ZBTB20: variants seen among roughly 807,000 people sequenced by gnomAD.
ZBTB20 encodes zinc finger and BTB domain containing 20.
ZBTB20 carries 9 observed loss-of-function variants against 56.9 expected under a neutral mutation model. That is an observed-to-expected ratio of 0.16 (90% CI 0.10 to 0.28). The LOEUF (loss-of-function observed/expected upper bound fraction) is 0.28, where lower values mean the gene tolerates loss of function less well. Ranked by LOEUF, ZBTB20 falls within the 10% of genes least tolerant of loss-of-function variation. The pLI is 1.00. For synonymous variants in ZBTB20, 417 were observed against 420.7 expected (o/e 0.99, Z 0.11); for missense variants, 655 against 1,003.0 (o/e 0.65, Z 4.69).
rs3995891 is a variant in ZBTB20 at position 114,434,543 on chromosome 3, T to G, written c.-254-45438A>C. Among the ~76,000 whole-genome samples the G allele has an allele frequency of 3.1e-3, 413 of 134,954 alleles. 2 individuals are homozygous for G. Among genetic ancestry groups the G allele is most frequent in the Middle Eastern group, 0.011 (3 of 268 alleles). The allele number at this position is 134,954 out of a possible 152,430, so 88.5% of individuals were successfully genotyped here. On this transcript the variant is annotated intron_variant, in intron 7 of 11. Coordinates refer to ENST00000675478, the MANE Select transcript of ZBTB20 (RefSeq NM_001348800.3). Reference sequence around the variant, plus strand: ...GAAGAGTAGCCTTCTGCAATTGGGGTGTGTGTGTGTGTGTTTGTGTGTGTG... The same window carrying G: ...GAAGAGTAGCCTTCTGCAATTGGGGGGTGTGTGTGTGTGTTTGTGTGTGTG...
At chr3:114,976,455 A>G (rs1381595122) in intron 2 of ZBTB20, among the ~76,000 whole-genome samples, 2 of 152,060 alleles carry the variant, frequency 1.3e-5, no homozygotes, top group Non-Finnish European at 2.9e-5. Context: ...GCGAAACCCC[A>G]TCTCTACTAA....
chr3:115,061,029 C>T (rs1487300233), intron 2 of ZBTB20, among the ~76,000 whole-genome samples: 1 of 152,022 alleles, frequency 6.6e-6, no homozygotes, highest in South Asian at 2.1e-4. Flanking sequence ...CAAATATGAT[C>T]ATTTCTGGAA....
intron 6 of ZBTB20, among the ~76,000 whole-genome samples, chr3:114,642,212 G>C (rs924272583): frequency 1.3e-5 from 2 of 151,830 alleles, no homozygotes; most frequent in Admixed American, 6.6e-5. Context: ...AATATCTCAG[G>C]GCTGAAAAAG....
At chr3:115,113,507 G>C (rs6787503) in intron 1 of ZBTB20, among the ~76,000 whole-genome samples, 27,343 of 152,170 alleles carry the variant, frequency 0.18, 4,162 homozygotes, top group African/African-American at 0.41. Flanking sequence ...CTCCAACAGG[G>C]TCTGCAGCAC....
intron 3 of ZBTB20, among the ~76,000 whole-genome samples, chr3:114,958,887 T>C (rs994222133): frequency 2.0e-5 from 3 of 151,260 alleles, no homozygotes; most frequent in Non-Finnish European, 1.5e-5. Context: ...AAAGTAATAA[T>C]AGGCATTTTG....
chr3:115,126,341 C>T (rs1458038715), intron 1 of ZBTB20, among the ~76,000 whole-genome samples: 1 of 152,058 alleles, frequency 6.6e-6, no homozygotes, highest in Non-Finnish European at 1.5e-5. Flanking sequence ...TATGACACAG[C>T]GATTCCAATC....
chr3:114,469,808 A>T (rs959594870), intron 7 of ZBTB20, among the ~76,000 whole-genome samples: 7 of 152,198 alleles, frequency 4.6e-5, no homozygotes, highest in African/African-American at 1.7e-4. Flanking sequence ...AAATTGCCTC[A>T]AATCACTAAC....
At chr3:114,362,739 GGA>G (rs2082021733) in intron 10 of ZBTB20, among the ~76,000 whole-genome samples, 2 of 152,100 alleles carry the variant, frequency 1.3e-5, no homozygotes, top group Non-Finnish European at 2.9e-5. Context: ...TGTCAACAGA[GGA>G]TTCAGTGGAA....
At chr3:114,892,014 T>A (rs1358691302) in intron 4 of ZBTB20, among the ~76,000 whole-genome samples, 1 of 151,778 alleles carries the variant, frequency 6.6e-6, no homozygotes, top group Non-Finnish European at 1.5e-5. Flanking sequence ...GCCTCTGCAC[T>A]CCAGCCTGGG....
chr3:115,017,366 C>T (rs2080012487), intron 2 of ZBTB20, among the ~76,000 whole-genome samples: 1 of 151,606 alleles, frequency 6.6e-6, no homozygotes, highest in Non-Finnish European at 1.5e-5. Flanking sequence ...AACCACTCCT[C>T]ATGGAAAACT....
rs577185825 is a variant in ZBTB20 at position 114,404,626 on chromosome 3, G to A, written c.-254-15521C>T. 4.7e-4 allele frequency among the ~76,000 whole-genome samples: 71 copies of A among 152,048 alleles called. 1 individual carries two copies. Among genetic ancestry groups the A allele is most frequent in the Non-Finnish European group, 9.0e-4 (61 of 67,990 alleles). ...TGGCTTTATAGTCTGGTGTACAGACGTGGCTATTTTTCCCCATAGCTCTCA... is the reference window on the plus strand; with the variant it reads ...TGGCTTTATAGTCTGGTGTACAGACATGGCTATTTTTCCCCATAGCTCTCA... On this transcript the variant is annotated intron_variant, in intron 7 of 11. Transcript: ENST00000675478.
intron 3 of ZBTB20, among the ~76,000 whole-genome samples, chr3:114,932,253 C>G (rs569744308): frequency 6.6e-6 from 1 of 152,162 alleles, no homozygotes; most frequent in African/African-American, 2.4e-5. Context: ...GAGTGTTTGC[C>G]TAATATCCAA....
At chr3:115,099,332 C>G (rs1366951874) in intron 1 of ZBTB20, among the ~76,000 whole-genome samples, 1 of 152,084 alleles carries the variant, frequency 6.6e-6, no homozygotes, top group Non-Finnish European at 1.5e-5. Context: ...CTCACTCCAC[C>G]CTCCCCAAGC....
chr3:115,120,993 A>C (rs965671994), intron 1 of ZBTB20, among the ~76,000 whole-genome samples: 1 of 152,128 alleles, frequency 6.6e-6, no homozygotes, highest in African/African-American at 2.4e-5. Context: ...TTCAAGAATC[A>C]ACAGGAAGTG....
At chr3:114,712,654 G>GAAAAAAAAAAAAAAA (rs139980086) in intron 5 of ZBTB20, among the ~76,000 whole-genome samples, 1 of 79,984 alleles carries the variant, frequency 1.3e-5, no homozygotes, top group Non-Finnish European at 2.5e-5. Flanking sequence ...ACTCCATCTC[G>GAAAAAAAAAAAAAAA]AAAAAAAAAA....
chr3:114,396,321 A>G (rs563171359), intron 7 of ZBTB20, among the ~76,000 whole-genome samples: 52 of 152,310 alleles, frequency 3.4e-4, no homozygotes, highest in African/African-American at 1.2e-3. Context: ...TCACAGTGGC[A>G]TTACTCCAGA....
intron 7 of ZBTB20, among the ~76,000 whole-genome samples, chr3:114,443,569 T>C (rs1017185853): frequency 2.6e-5 from 4 of 152,228 alleles, no homozygotes; most frequent in Non-Finnish European, 4.4e-5. Context: ...ATATGGACTT[T>C]TATAAAAAGA....
rs531117254 is a variant in ZBTB20, at chr3:114,779,854, C to G, written c.-343+21247G>C. ...TTCTAAGACACAAATTAATCAAAAT[C>G]CCAGGTTATCAGTTACTTAATATAA... is the stretch of plus-strand genomic sequence containing the variant. On this transcript the variant is annotated intron_variant, in intron 5 of 11. Transcript: ENST00000675478. Among the ~76,000 whole-genome samples, 72 of 152,230 alleles carry G rather than the reference C, an allele frequency of 4.7e-4. 1 individual carries two copies. The highest frequency in any genetic ancestry group is 3.4e-4 in the Non-Finnish European group (23 of 68,004).
At chr3:115,070,095 G>A (rs2082353510) in intron 2 of ZBTB20, among the ~76,000 whole-genome samples, 1 of 151,982 alleles carries the variant, frequency 6.6e-6, no homozygotes, top group South Asian at 2.1e-4. Flanking sequence ...TATCACCTAT[G>A]ATTTCCTGTT....
Sources: gnomAD v4.1 joint callset for allele counts (sites outside exome capture counted in the v4.1 genomes callset) on GRCh38, gnomAD v4.1.1 for gene constraint, MANE v1.5 for transcripts, NCBI Gene and HGNC (gene_info 2026-07-23, HGNC 2026-07-21) for gene names.